Variants in PCDHGB4 observed in about 807,000 individuals in gnomAD.
PCDHGB4 encodes protocadherin gamma-B4.
PCDHGB4 carries 38 observed loss-of-function variants against 60.5 expected under a neutral mutation model. The observed-to-expected ratio is 0.63, with a 90% CI of 0.48 to 0.82. The LOEUF (loss-of-function observed/expected upper bound fraction) is 0.82. Among genes scored for constraint, PCDHGB4 ranks in the 40% least tolerant of loss-of-function variants. PCDHGB4 has a pLI of 0.00. For missense variants in PCDHGB4, 1,109 were observed against 1,209.6 expected (o/e 0.92, Z 1.23); for synonymous variants, 456 against 509.7 (o/e 0.89, Z 1.42).
intron 1 of PCDHGB4, among the ~76,000 whole-genome samples, chr5:141,449,921 C>T (rs2098659300): frequency 6.6e-6 from 1 of 151,648 alleles, no homozygotes; most frequent in African/African-American, 2.4e-5. Flanking sequence ...TTAAATTCTA[C>T]CATACCTTAT....
Position 141,389,301 on chromosome 5 carries a change from A to T in PCDHGB4, c.1417A>T (p.Arg473Trp). ...GCCTGGAGCCTCTATTTCACAAGTC[A>T]GGGCTTCTGATCCGGACTTGGGGCC... ...NPPGASISQV[R>W]ASDPDLGPNG... The change falls in exon 1 of 4, where the codon AGG becomes TGG. Residue 473 changes from arginine to tryptophan, a missense_variant. Coordinates refer to ENST00000519479, the MANE Select transcript of PCDHGB4 (RefSeq NM_003736.4). The T allele has an allele frequency of 6.2e-7, 1 of 1,614,008 alleles. No homozygotes were observed. Among genetic ancestry groups the T allele is most frequent in the Non-Finnish European group, 8.5e-7 (1 of 1,179,896 alleles).
chr5:141,409,023 A>G, intron 1 of PCDHGB4: 4 of 1,614,044 alleles, frequency 2.5e-6, no homozygotes, highest in Non-Finnish European at 3.4e-6. Flanking sequence ...GAGGGGGTCA[A>G]TGCTGAGATA....
chr5:141,461,595 A>C (rs2099018386), intron 1 of PCDHGB4, among the ~76,000 whole-genome samples: 1 of 152,144 alleles, frequency 6.6e-6, no homozygotes, highest in East Asian at 1.9e-4. Flanking sequence ...TATTTCCATT[A>C]TAATTTAGTT....
chr5:141,449,681 G>A (rs2098651836), intron 1 of PCDHGB4, among the ~76,000 whole-genome samples: 1 of 149,394 alleles, frequency 6.7e-6, no homozygotes, highest in Non-Finnish European at 1.5e-5. Context: ...ATGTATATAT[G>A]TTTGTGTGTA....
intron 1 of PCDHGB4, chr5:141,410,397 G>A (rs1338071222): frequency 1.9e-6 from 3 of 1,613,930 alleles, no homozygotes; most frequent in South Asian, 1.1e-5. Context: ...CCTGGTCTCT[G>A]TGTCAAGTCT....
chr5:141,442,149 T>C, intron 1 of PCDHGB4: 1 of 159,274 alleles, frequency 6.3e-6, no homozygotes, highest in Non-Finnish European at 1.4e-5. Flanking sequence ...CTGCCAGACC[T>C]CAGCGATCAC....
intron 1 of PCDHGB4, among the ~76,000 whole-genome samples, chr5:141,459,971 A>G (rs1458539493): frequency 2.6e-5 from 4 of 152,208 alleles, no homozygotes; most frequent in Non-Finnish European, 5.9e-5. Flanking sequence ...CCAGCTACTC[A>G]GGAGGCTGAG....
At chr5:141,421,564 G>C in intron 1 of PCDHGB4, 1 of 1,613,982 alleles carries the variant, frequency 6.2e-7, no homozygotes, top group Non-Finnish European at 8.5e-7. Context: ...TCTCGTGGAA[G>C]ACACCTTGAA....
chr5:141,419,397 T>G (rs1280096838), intron 1 of PCDHGB4: 3 of 1,613,312 alleles, frequency 1.9e-6, no homozygotes. Flanking sequence ...CAGAGCGGGG[T>G]GGTGTTCGCG....
At chr5:141,399,291 T>A in intron 1 of PCDHGB4, 1 of 1,613,954 alleles carries the variant, frequency 6.2e-7, no homozygotes, top group East Asian at 2.2e-5. Context: ...AAGTCCCTTT[T>A]AAGATTATCT....
intron 1 of PCDHGB4, among the ~76,000 whole-genome samples, chr5:141,492,824 C>T (rs1027583244): frequency 4.6e-5 from 7 of 152,236 alleles, no homozygotes. Context: ...ACCAGCGGCC[C>T]CTTCCTCCCG....
In PCDHGB4 at chr5:141,485,244, T is replaced by C; in HGVS notation, c.2398-9563T>C. ...ACCCTTTTGTTCCTCTTTTACCACC[T>C]GGGTTACGTTTGTGGGCAGATCCGC... On this transcript the variant is annotated intron_variant, in intron 1 of 3. Transcript: ENST00000519479. This position sits in a 1 kb window ranked among gnomAD's most constrained non-coding sequence, Gnocchi z 5.7. 1 of 1,614,168 alleles carries C rather than the reference T, an allele frequency of 6.2e-7. No individual in the cohort carries two copies. Among genetic ancestry groups the C allele is most frequent in the Admixed American group, 1.7e-5 (1 of 60,016 alleles).
chr5:141,476,587 G>A lies in PCDHGB4; in HGVS notation c.2398-18220G>A. ...CTCCGGGGACGCGCTTTCCGCTCGA[G>A]AGCGCGCACGATCCCGATGTGGGAA... On this transcript the variant is annotated intron_variant, in intron 1 of 3. Coordinates refer to ENST00000519479, the MANE Select transcript of PCDHGB4 (RefSeq NM_003736.4). The surrounding 1 kb of genome is among the most constrained non-coding windows in gnomAD (Gnocchi z 7.6). 6.2e-7 allele frequency: 1 copy of A among 1,614,234 alleles called. No homozygotes were observed. The highest frequency in any genetic ancestry group is 1.1e-5 in the South Asian group (1 of 91,086).
At chr5:141,478,765 C>T in intron 1 of PCDHGB4, 1 of 1,508,614 alleles carries the variant, frequency 6.6e-7, no homozygotes, top group Non-Finnish European at 8.9e-7. Context: ...AGATACTTGA[C>T]TCATCTGTGG....
At chr5:141,483,640 G>T (rs1406049976) in intron 1 of PCDHGB4, among the ~76,000 whole-genome samples, 3 of 144,232 alleles carry the variant, frequency 2.1e-5, no homozygotes, top group Non-Finnish European at 4.5e-5. Flanking sequence ...GTATAGAGGG[G>T]TGTGTGTTTG....
chr5:141,389,409 A>G lies in PCDHGB4; in HGVS notation c.1525A>G (p.Ser509Gly). ...LSSYVSISAE[S>G]GVVFAQRAFD... ...ATCCTACGTGTCCATAAGCGCGGAGAGCGGGGTGGTGTTCGCGCAGCGCGC... is the reference window on the plus strand; with the variant it reads ...ATCCTACGTGTCCATAAGCGCGGAGGGCGGGGTGGTGTTCGCGCAGCGCGC... The change falls in exon 1 of 4, where the codon AGC becomes GGC. Residue 509 changes from serine (S) to glycine (G), a missense_variant. Ser to Gly is a moderately conservative substitution (Grantham distance 56, BLOSUM62 0). Coordinates refer to ENST00000519479, the MANE Select transcript of PCDHGB4 (RefSeq NM_003736.4). 1 of 1,613,590 alleles carries G rather than the reference A, an allele frequency of 6.2e-7. No individual in the cohort carries two copies. The highest frequency in any genetic ancestry group is 1.7e-5 in the Admixed American group (1 of 60,038).
chr5:141,430,110 C>T (rs919470038), intron 1 of PCDHGB4, among the ~76,000 whole-genome samples: 1 of 152,060 alleles, frequency 6.6e-6, no homozygotes, highest in Admixed American at 6.5e-5. Flanking sequence ...CGTTACATGT[C>T]AACAACCTGG....
chr5:141,464,079 A>G (rs996899520), intron 1 of PCDHGB4, among the ~76,000 whole-genome samples: 3 of 152,124 alleles, frequency 2.0e-5, no homozygotes, highest in Non-Finnish European at 4.4e-5. Flanking sequence ...AGCCTGGCCA[A>G]CATGGTGAAA....
chr5:141,435,454 T>C (rs1407615505), intron 1 of PCDHGB4, among the ~76,000 whole-genome samples: 1 of 152,220 alleles, frequency 6.6e-6, no homozygotes, highest in Non-Finnish European at 1.5e-5. Flanking sequence ...ACGATATCTG[T>C]ATGTGTTTCC....
Sources: allele counts gnomAD v4.1 joint callset (sites outside exome capture counted in the v4.1 genomes callset), GRCh38; gene constraint gnomAD v4.1.1; non-coding constraint Gnocchi (gnomAD v3.1); transcripts MANE v1.5; gene names NCBI Gene and HGNC (gene_info 2026-07-23, HGNC 2026-07-21).